STAG3: variants seen among roughly 807,000 people sequenced by gnomAD.
STAG3 encodes cohesin subunit SA-3.
In STAG3, 101 loss-of-function variants were observed where a neutral mutation model predicts 160.7. That is an observed-to-expected ratio of 0.63 (90% CI 0.54 to 0.74). The LOEUF (loss-of-function observed/expected upper bound fraction) is 0.74, where lower values mean the gene tolerates loss of function less well. Among genes scored for constraint, STAG3 ranks in the 30% least tolerant of loss-of-function variants. STAG3 has a pLI of 0.00. For missense variants in STAG3, 1,188 were observed against 1,517.4 expected, an observed-to-expected ratio of 0.78 and a Z score of 3.61; for synonymous variants, 519 against 585.0, an observed-to-expected ratio of 0.89 and a Z score of 1.63.
At chr7:100,189,126 G>C (rs1800203741) in intron 7 of STAG3, 110 bp downstream of exon 7, 1 of 1,213,392 alleles carries the variant, frequency 8.2e-7, no homozygotes, top group African/African-American at 1.5e-5. Context: ...TTCACTTCAA[G>C]GCCATGCCTC....
chr7:100,216,824 G>A (rs1263108053), downstream of STAG3, among the ~76,000 whole-genome samples: 1 of 151,932 alleles, frequency 6.6e-6, no homozygotes, highest in African/African-American at 2.4e-5. Flanking sequence ...CTTCATAACT[G>A]CCAGGAGTAC....
chr7:100,211,529 C>T lies in STAG3; in HGVS notation c.3508C>T (p.Gln1170Ter). The T allele has an allele frequency of 6.2e-7, 1 of 1,613,810 alleles. No individual in the cohort carries two copies. The highest frequency in any genetic ancestry group is 1.1e-5 in the South Asian group (1 of 91,036). Reference protein sequence around the residue: ...HNPSGPGLGNQLMRLSLMEED... With the variant: ...HNPSGPGLGN ...CCCTTCAGGTCCTGGCCTGGGCAAC[C>T]AGCTGATGCGGTGAGCTTTTCTCAT... The change falls in exon 31 of 34, where the codon CAG becomes TAG. Residue 1170 changes from glutamine (Q) to a stop codon, truncating the protein, a stop_gained. Transcript: ENST00000615138. LOFTEE classifies it high-confidence loss of function.
intron 2 of STAG3, 68 bp downstream of exon 2, chr7:100,180,740 A>G: frequency 2.1e-6 from 2 of 933,988 alleles, no homozygotes; most frequent in Non-Finnish European, 3.6e-6. Flanking sequence ...GTTTTCCCAC[A>G]TTGATGATAA....
chr7:100,218,230 C>T, downstream of STAG3: 1 of 161,524 alleles, frequency 6.2e-6, no homozygotes, highest in Non-Finnish European at 1.3e-5. Context: ...CAGCTCCTAT[C>T]TCTGTATGGC....
In STAG3 at chr7:100,205,101, C is replaced by T. The variant is rs746987695; in HGVS notation, c.3048C>T (p.Ser1016=). The T allele has an allele frequency of 5.6e-6, 9 of 1,614,152 alleles. No homozygotes were observed. The highest frequency in any genetic ancestry group is 1.6e-4 in the Middle Eastern group (1 of 6,062). Residue 1016 remains serine (S), a synonymous_variant, in exon 28 of 34, where the codon TCC becomes TCT. Transcript: ENST00000615138. Reference sequence around the variant, plus strand: ...TCCTGGAGCTCCTTTCAGAGTTTTCCCCCCGACTCTTCCATCAGGACAAGC... The same window carrying T: ...TCCTGGAGCTCCTTTCAGAGTTTTCTCCCCGACTCTTCCATCAGGACAAGC... ...LAFLELLSEF[S]PRLFHQDKQL...
Position 100,204,761 on chromosome 7 carries a change from G to C in STAG3, c.2937G>C (p.Val979=), listed in dbSNP as rs190896983. Residue 979 remains valine, a synonymous_variant, in exon 27 of 34, where the codon GTG becomes GTC. Transcript: ENST00000615138. ...AGCAGCTGCAGAACCGTGACCTCGT[G>C]GTCATGCTACACAAGTAGGAAGTAT... ...GPQQLQNRDL[V]VMLHKEGIQF... 444 of 1,613,602 alleles carry C rather than the reference G, an allele frequency of 2.8e-4. 3 individuals are homozygous for C. In the East Asian group the frequency reaches 9.6e-3, roughly 35 times the overall value.
chr7:100,199,086 T>G (rs1247166545), intron 14 of STAG3, 129 bp downstream of exon 14: 36 of 983,472 alleles, frequency 3.7e-5, no homozygotes, highest in Non-Finnish European at 5.8e-5. Context: ...GCCCAGGAGT[T>G]TGAGACCAGC....
chr7:100,191,289 A>G (rs561399597), intron 8 of STAG3, among the ~76,000 whole-genome samples: 4 of 152,292 alleles, frequency 2.6e-5, no homozygotes, highest in Middle Eastern at 3.4e-3. Flanking sequence ...GTTGAGAACC[A>G]CTGATCTAAT....
rs1391803362 is a variant in STAG3 at position 100,178,009 on chromosome 7, G to T, written c.-65+4G>T. On this transcript the variant is annotated splice_donor_region_variant and intron_variant, in intron 1 of 33. Coordinates refer to ENST00000615138, the MANE Select transcript of STAG3 (RefSeq NM_001282717.2). ...AGAGACACCCGAGGGACCTGAGGTG[G>T]GGACCTTCCCTGAACCCTGCTCGGC... The T allele has an allele frequency of 6.6e-6, 1 of 152,328 alleles. No individual in the cohort carries two copies. Among genetic ancestry groups the T allele is most frequent in the Non-Finnish European group, 1.5e-5 (1 of 68,136 alleles). 9.4% of individuals were successfully genotyped at this position (152,328 alleles called of 1,614,324 possible).
At chr7:100,218,550 C>G (rs17147699), downstream of STAG3, 25 of 328,294 alleles carry the variant, frequency 7.6e-5, no homozygotes, top group African/African-American at 1.1e-4. Context: ...TGGCCATGAG[C>G]TCTGCTGGAA....
intron 29 of STAG3, among the ~76,000 whole-genome samples, chr7:100,210,252 A>T (rs928294718): frequency 2.6e-5 from 4 of 152,138 alleles, no homozygotes; most frequent in African/African-American, 7.2e-5. Flanking sequence ...CCATAGGCTG[A>T]GCGCTCACTT....
chr7:100,199,798 A>G (rs989259896), intron 16 of STAG3, among the ~76,000 whole-genome samples, 154 bp downstream of exon 16: 5 of 151,990 alleles, frequency 3.3e-5, no homozygotes, highest in African/African-American at 9.7e-5. Context: ...GCTTACGCCT[A>G]TAATCCCAGC....
intron 25 of STAG3, among the ~76,000 whole-genome samples, chr7:100,203,750 G>A (rs771300072): frequency 3.3e-5 from 5 of 152,082 alleles, no homozygotes; most frequent in African/African-American, 2.4e-5. Context: ...TCCTGACCTC[G>A]TGATCCACCC....
In STAG3 at chr7:100,201,782, A is replaced by C; in HGVS notation, c.2221-4A>C. ...CTCATTTTTCAAACCCTTTGTTGTTACAGGTTATCCTGCCAGCCTTGACTC... is the reference window on the plus strand; with the variant it reads ...CTCATTTTTCAAACCCTTTGTTGTTCCAGGTTATCCTGCCAGCCTTGACTC... On this transcript the variant is annotated splice_region_variant and splice_polypyrimidine_tract_variant and intron_variant, in intron 21 of 33. Coordinates refer to ENST00000615138, the MANE Select transcript of STAG3 (RefSeq NM_001282717.2). 1 of 1,614,054 alleles carries C rather than the reference A, an allele frequency of 6.2e-7. No individual in the cohort carries two copies. The highest frequency in any genetic ancestry group is 8.5e-7 in the Non-Finnish European group (1 of 1,179,938).
chr7:100,206,037 T>C (rs1801620269), intron 29 of STAG3, among the ~76,000 whole-genome samples: 1 of 152,014 alleles, frequency 6.6e-6, no homozygotes, highest in African/African-American at 2.4e-5. Context: ...TTTTTTGAGA[T>C]GGAGTCTTGC....
At position 100,201,441 on chromosome 7, in the gene STAG3, CAG is replaced by C. The variant is rs1049500146; in HGVS notation, c.2220+91_2220+92del. ...GGTGGCCACTAGGTGTGTCAAGTCT[CAG>C]TGCGTGGAGTGGACAAAGCGAGGAA... On this transcript the variant is annotated intron_variant, in intron 21 of 33. Transcript: ENST00000615138. The C allele has an allele frequency of 2.5e-5, 29 of 1,156,438 alleles. No individual in the cohort carries two copies. In the African/African-American group the frequency reaches 3.9e-4, roughly 16 times the overall value. 71.6% of individuals were successfully genotyped at this position (1,156,438 alleles called of 1,614,324 possible). A position where few individuals can be genotyped will look rare whatever the true frequency, so the allele number is the denominator to read the frequency against.
chr7:100,212,086 A>G, intron 32 of STAG3: 1 of 509,418 alleles, frequency 2.0e-6, no homozygotes, highest in Non-Finnish European at 3.5e-6. Context: ...TACAAATACC[A>G]AAGAAGGTTG....
chr7:100,180,174 G>A (rs1454607463), intron 1 of STAG3, among the ~76,000 whole-genome samples: 1 of 152,130 alleles, frequency 6.6e-6, no homozygotes, highest in African/African-American at 2.4e-5. Flanking sequence ...TCCCACCTCA[G>A]CCTCCTGAAT....
chr7:100,214,737 T>C (rs145392532), downstream of STAG3, among the ~76,000 whole-genome samples: 36 of 152,284 alleles, frequency 2.4e-4, no homozygotes, highest in Non-Finnish European at 3.8e-4. Context: ...CAAAGGAAAT[T>C]TTATCCTCAT....
Sources: allele counts gnomAD v4.1 joint callset (sites outside exome capture counted in the v4.1 genomes callset), GRCh38; gene constraint gnomAD v4.1.1; transcripts MANE v1.5; gene names NCBI Gene and HGNC (gene_info 2026-07-23, HGNC 2026-07-21).